Variants in CCSER2 observed in about 807,000 individuals in gnomAD.
The protein encoded by CCSER2 is coiled-coil serine rich protein 2.
In CCSER2, 46 loss-of-function variants were observed where a neutral mutation model predicts 92.3. That is an observed-to-expected ratio of 0.50 (90% CI 0.39 to 0.64). The LOEUF (loss-of-function observed/expected upper bound fraction) is 0.64. CCSER2 is among the 30% of genes least tolerant of loss of function. The probability of loss-of-function intolerance (pLI) is 0.00; values close to 1 mark genes in which losing one functional copy is unlikely to be tolerated. For missense variants in CCSER2, 1,244 were observed against 1,238.9 expected, an observed-to-expected ratio of 1.00 and a Z score of -0.06; for synonymous variants, 433 against 431.4, an observed-to-expected ratio of 1.00 and a Z score of -0.04.
At chr10:84,455,902 T>C (rs1845589078) in intron 6 of CCSER2, 3 of 696,540 alleles carry the variant, frequency 4.3e-6, no homozygotes, top group Non-Finnish European at 8.2e-6. Flanking sequence ...GAAGTTCTGC[T>C]TTCTTCTATG....
At chr10:84,391,766 G>A (rs1841532034) in intron 3 of CCSER2, 15 of 1,549,202 alleles carry the variant, frequency 9.7e-6, no homozygotes, top group Admixed American at 3.4e-5. Context: ...AGACCCTGGT[G>A]CACCTTTCTG....
chr10:84,444,314 G>A (rs1233590437), intron 6 of CCSER2, among the ~76,000 whole-genome samples: 1 of 152,122 alleles, frequency 6.6e-6, no homozygotes, highest in Admixed American at 6.5e-5. Flanking sequence ...AAAAATTACT[G>A]TAAGGGATAT....
At chr10:84,378,809 G>A (rs765400350) in intron 3 of CCSER2, among the ~76,000 whole-genome samples, 15 of 152,304 alleles carry the variant, frequency 9.8e-5, no homozygotes, top group Non-Finnish European at 1.6e-4. Flanking sequence ...CTGGGCTGAA[G>A]TAATCCTCCT....
chr10:84,392,316 C>CAAAAAAAAAAAAAAA, intron 3 of CCSER2, among the ~76,000 whole-genome samples: 1 of 53,860 alleles, frequency 1.9e-5, no homozygotes. Flanking sequence ...TCTGAAGAAG[C>CAAAAAAAAAAAAAAA]AAAAAAAAAA....
At chr10:84,463,805 A>G in intron 6 of CCSER2, 128 bp from the exon 7 acceptor site, 2 of 603,458 alleles carry the variant, frequency 3.3e-6, no homozygotes, top group Middle Eastern at 3.5e-4. Flanking sequence ...TTTGTCTCCC[A>G]TTTGTTCTTC....
intron 4 of CCSER2, among the ~76,000 whole-genome samples, chr10:84,421,891 G>T (rs944456690): frequency 1.3e-5 from 2 of 152,170 alleles, no homozygotes; most frequent in Admixed American, 1.3e-4. Context: ...TGGACAAAAG[G>T]TTATGATCTA....
chr10:84,372,461 G>T lies in CCSER2; in HGVS notation c.1409G>T (p.Ser470Ile), dbSNP rs758580416. 4.5e-6 allele frequency: 7 copies of T among 1,542,404 alleles called. No homozygotes were observed. The East Asian group carries it at 1.6e-4, about 35-fold the overall frequency. The change falls in exon 2 of 10, where the codon AGT becomes ATT. Residue 470 changes from serine (S) to isoleucine (I), a missense_variant. Transcript: ENST00000372088. ...AAAACTGATGAATGGATAGATATAA[G>T]TGTCTCTGGTAAATATTACTTACCT... Reference protein sequence around the residue: ...FSKTDEWIDISVSDRSECTKH... With the variant: ...FSKTDEWIDIIVSDRSECTKH...
At chr10:84,465,242 TGTGTGTG>T (rs1846328702) in intron 7 of CCSER2, among the ~76,000 whole-genome samples, 2 of 582 alleles carry the variant, frequency 3.4e-3, no homozygotes, top group Non-Finnish European at 5.2e-3. Context: ...CCTGAATTTG[TGTGTGTG>T]TGTGTGTGTG....
rs759674600 is a variant in CCSER2, at chr10:84,477,672, A to G, written c.2325+8A>G. ...CCCTGGAGACGAATTCCTGTAAGTA[A>G]CATTTGCTCTTAGCCTCCTCTCCAG... On this transcript the variant is annotated splice_region_variant and intron_variant, in intron 9 of 9. Coordinates refer to ENST00000372088, the MANE Select transcript of CCSER2 (RefSeq NM_001284240.2). 1.3e-6 allele frequency: 2 copies of G among 1,513,862 alleles called. No homozygotes were observed. Among genetic ancestry groups the G allele is most frequent in the African/African-American group, 1.4e-5 (1 of 72,814 alleles). 93.8% of individuals were successfully genotyped at this position (1,513,862 alleles called of 1,614,324 possible). A position where few individuals can be genotyped will look rare whatever the true frequency, so the allele number is the denominator to read the frequency against.
At chr10:84,456,940 A>C (rs1348613640) in intron 6 of CCSER2, among the ~76,000 whole-genome samples, 1 of 151,116 alleles carries the variant, frequency 6.6e-6, no homozygotes, top group Non-Finnish European at 1.5e-5. Flanking sequence ...CTGATTTTTG[A>C]GAGTTCTTTA....
At chr10:84,386,999 TG>T (rs1841250041) in intron 3 of CCSER2, among the ~76,000 whole-genome samples, 1 of 152,140 alleles carries the variant, frequency 6.6e-6, no homozygotes, top group Non-Finnish European at 1.5e-5. Context: ...GTTCACTGTT[TG>T]GGTGATGGGT....
intron 8 of CCSER2, among the ~76,000 whole-genome samples, chr10:84,474,199 A>G (rs1174477302): frequency 6.6e-6 from 1 of 152,158 alleles, no homozygotes; most frequent in Non-Finnish European, 1.5e-5. Flanking sequence ...AATTTCCTTT[A>G]TGGGAGACAC....
chr10:84,385,699 A>G (rs1002876027), intron 3 of CCSER2, among the ~76,000 whole-genome samples: 2 of 152,202 alleles, frequency 1.3e-5, no homozygotes, highest in Admixed American at 6.5e-5. Flanking sequence ...TAGGCAAAAG[A>G]TTTATGAGTA....
At chr10:84,462,165 C>T (rs1270805406) in intron 6 of CCSER2, among the ~76,000 whole-genome samples, 2 of 152,130 alleles carry the variant, frequency 1.3e-5, no homozygotes, top group African/African-American at 4.8e-5. Flanking sequence ...CAGGGATGAA[C>T]CGATGAATTT....
chr10:84,421,431 A>G (rs917466294), intron 4 of CCSER2, among the ~76,000 whole-genome samples: 1 of 152,176 alleles, frequency 6.6e-6, no homozygotes, highest in African/African-American at 2.4e-5. Flanking sequence ...GGGAGCAAAC[A>G]TGTCCTTCTT....
chr10:84,516,365 C>T lies in CCSER2; in HGVS notation c.*2098C>T, dbSNP rs965619466. The T allele has an allele frequency of 6.6e-6, 1 of 152,204 alleles. No homozygotes were observed. Among genetic ancestry groups the T allele is most frequent in the Admixed American group, 6.5e-5 (1 of 15,286 alleles). The allele number at this position is 152,204 out of a possible 1,614,324, so 9.4% of individuals were successfully genotyped here. ...CACATAGTCCAGATACTGTTAGAGTCAGGCAAATCAGCAAAGCACTTTGTT... is the reference window on the plus strand; with the variant it reads ...CACATAGTCCAGATACTGTTAGAGTTAGGCAAATCAGCAAAGCACTTTGTT... On this transcript the variant is annotated 3_prime_UTR_variant, in exon 10 of 10. Coordinates refer to ENST00000372088, the MANE Select transcript of CCSER2 (RefSeq NM_001284240.2).
chr10:84,474,726 G>A (rs1182697586), intron 8 of CCSER2, among the ~76,000 whole-genome samples: 1 of 150,046 alleles, frequency 6.7e-6, no homozygotes, highest in Admixed American at 6.6e-5. Context: ...GTTATGTTGT[G>A]ATAGAACTAC....
chr10:84,514,394 T>C lies in CCSER2; in HGVS notation c.*127T>C, dbSNP rs1849525091. 1.5e-6 allele frequency: 1 copy of C among 688,562 alleles called. No individual in the cohort carries two copies. The highest frequency in any genetic ancestry group is 3.0e-5 in the Admixed American group (1 of 32,836). The allele number at this position is 688,562 out of a possible 1,614,324, so 42.7% of individuals were successfully genotyped here. A position where few individuals can be genotyped will look rare whatever the true frequency, so the allele number is the denominator to read the frequency against. The stretch of plus-strand genomic sequence containing the variant: ...AAAGCCTGCAAATCTTAAATTAAAA[T>C]GTGGAAGCTTCTACTAGTTTGGCTC... On this transcript the variant is annotated 3_prime_UTR_variant, in exon 10 of 10. Coordinates refer to ENST00000372088, the MANE Select transcript of CCSER2 (RefSeq NM_001284240.2).
At chr10:84,382,725 G>A (rs949547088) in intron 3 of CCSER2, among the ~76,000 whole-genome samples, 3 of 152,190 alleles carry the variant, frequency 2.0e-5, no homozygotes, top group Non-Finnish European at 2.9e-5. Flanking sequence ...GAGGCCCAAA[G>A]AAGTGTTTGA....
Sources: gnomAD v4.1 joint callset for allele counts (sites outside exome capture counted in the v4.1 genomes callset) on GRCh38, gnomAD v4.1.1 for gene constraint, MANE v1.5 for transcripts, NCBI Gene and HGNC (gene_info 2026-07-23, HGNC 2026-07-21) for gene names.